The following TTC23L variants were observed in gnomAD, a reference collection of about 807,000 sequenced individuals.
TTC23L encodes the protein tetratricopeptide repeat domain 23 like, also known as tetratricopeptide repeat protein 23-like.
A neutral mutation model predicts 48.1 loss-of-function variants in TTC23L; 42 were observed. The ratio of observed to expected loss-of-function variants is 0.87; its 90% confidence interval spans 0.68 to 1.13. TTC23L has a LOEUF of 1.13. Ranked by LOEUF, TTC23L falls within the 50% of genes most tolerant of loss-of-function variation. The pLI is 0.00. For missense variants in TTC23L, 391 were observed against 421.0 expected (o/e 0.93, Z 0.62); for synonymous variants, 159 against 157.2 (o/e 1.01, Z -0.09).
intron 4 of TTC23L, among the ~76,000 whole-genome samples, chr5:34,853,513 G>C (rs532381428): frequency 3.5e-4 from 54 of 152,260 alleles, no homozygotes; most frequent in African/African-American, 1.2e-3. Flanking sequence ...CTGGGCGACA[G>C]AGCGAGACTC....
the TTC23L span, chr5:34,915,954 T>G: frequency 0.071 from 104,722 of 1,479,610 alleles, 4,213 homozygotes; most frequent in South Asian, 0.12. Context: ...CGCCTTTTCT[T>G]GGGTTACTTA....
At chr5:34,864,482 G>A (rs753419312) in exon 6 of TTC23L, 2 of 1,613,866 alleles carry the variant, frequency 1.2e-6, no homozygotes, top group South Asian at 2.2e-5. Context: ...AGAGAAACAT[G>A]AAGGAGCTGA....
At chr5:34,839,174 T>A (rs1278383620) in exon 1 of TTC23L, 1 of 152,734 alleles carries the variant, frequency 6.5e-6, no homozygotes, top group African/African-American at 2.4e-5. Flanking sequence ...ATTGTCTCCT[T>A]GGCCGGACCT....
chr5:34,881,145 G>T (rs1415158761), intron 9 of TTC23L, among the ~76,000 whole-genome samples: 1 of 152,194 alleles, frequency 6.6e-6, no homozygotes, highest in Admixed American at 6.5e-5. Flanking sequence ...CTTGATACAT[G>T]AGATCCTTCA....
chr5:34,911,854 T>G, the TTC23L span: 57 of 1,586,904 alleles, frequency 3.6e-5, no homozygotes, highest in Non-Finnish European at 1.7e-6. Context: ...GCTTTATAGT[T>G]CTGGGTTCAG....
At chr5:34,878,007 G>T (rs1328581062) in intron 8 of TTC23L, among the ~76,000 whole-genome samples, 2 of 152,122 alleles carry the variant, frequency 1.3e-5, no homozygotes, top group African/African-American at 4.8e-5. Context: ...TTAATATGCA[G>T]AAGTCAATAC....
chr5:34,853,012 A>G (rs1580429977), intron 4 of TTC23L, among the ~76,000 whole-genome samples: 3 of 152,082 alleles, frequency 2.0e-5, no homozygotes, highest in Non-Finnish European at 2.9e-5. Context: ...TGATTGAATT[A>G]CCTCCCACTG....
At chr5:34,915,147 G>C in the TTC23L span, among the ~76,000 whole-genome samples, 1 of 152,168 alleles carries the variant, frequency 6.6e-6, no homozygotes, top group South Asian at 2.1e-4. Flanking sequence ...CCTCGTCTCC[G>C]TAAGAGGACA....
rs35665026 is a variant in TTC23L, at chr5:34,880,205, G to A, written c.974G>A (p.Arg325Lys). The change falls in exon 9 of 11, where the codon AGA becomes AAA. Residue 325 changes from arginine (R) to lysine (K), a missense_variant. Physicochemically the swap from Arg to Lys is conservative, Grantham distance 26 (BLOSUM62 2). Coordinates refer to ENST00000505624, the Ensembl canonical transcript of TTC23L. ...GATGCTGTTGAGATATATTTCATAA[G>A]AAGTATCAATGCATATCGAGCAACA... The A allele has an allele frequency of 2.1e-4, 343 of 1,612,162 alleles. No homozygotes were observed. In the African/African-American group the frequency reaches 4.0e-3, roughly 19 times the overall value.
chr5:34,910,140 G>A, the TTC23L span, among the ~76,000 whole-genome samples: 1 of 151,944 alleles, frequency 6.6e-6, no homozygotes, highest in African/African-American at 2.4e-5. Context: ...CCCTAGTGTC[G>A]CAGGTACTTA....
chr5:34,843,936 CT>C (rs1345964820), intron 2 of TTC23L, among the ~76,000 whole-genome samples: 1 of 152,100 alleles, frequency 6.6e-6, no homozygotes, highest in Non-Finnish European at 1.5e-5. Context: ...GCAAAGAAGA[CT>C]CAGAAACAAA....
the TTC23L span, chr5:34,925,110 C>A: frequency 2.1e-6 from 3 of 1,440,464 alleles, no homozygotes. Context: ...GGAAATTACT[C>A]CCTTTTTTCA....
the TTC23L span, chr5:34,917,934 A>T: frequency 6.5e-6 from 1 of 152,858 alleles, no homozygotes. Context: ...TGGGTGGCAG[A>T]TGTGGTCAGT....
chr5:34,863,105 A>G lies in TTC23L; in HGVS notation c.536+51A>G. 8 of 1,607,014 alleles carry G rather than the reference A, an allele frequency of 5.0e-6. No homozygotes were observed. The highest frequency in any genetic ancestry group is 6.8e-6 in the Non-Finnish European group (8 of 1,175,700). The stretch of plus-strand genomic sequence containing the variant: ...TAGTGTTCGGGGCCACAGGCCACAC[A>G]TGCCAGATGGGTCATCTCATACAGG... On this transcript the variant is annotated intron_variant, in intron 5 of 10. Transcript: ENST00000505624. This position sits in a 1 kb window ranked among gnomAD's most constrained non-coding sequence, Gnocchi z 4.1.
At chr5:34,892,573 TA>T (rs1762938616) in intron 9 of TTC23L, among the ~76,000 whole-genome samples, 1 of 152,190 alleles carries the variant, frequency 6.6e-6, no homozygotes, top group Admixed American at 6.5e-5. Flanking sequence ...AGTTAGTCTG[TA>T]GTAAGTCTTT....
intron 9 of TTC23L, among the ~76,000 whole-genome samples, chr5:34,895,862 T>A (rs1763190682): frequency 6.6e-6 from 1 of 152,240 alleles, no homozygotes; most frequent in African/African-American, 2.4e-5. Flanking sequence ...GTATGTTCCA[T>A]AAGCTGGGTT....
chr5:34,839,486 T>TTCG (rs1758411845), intron 1 of TTC23L: 1 of 263,682 alleles, frequency 3.8e-6, no homozygotes, highest in Non-Finnish European at 5.9e-6. Flanking sequence ...AGAGGAGCGA[T>TTCG]TCGTCCTTGA....
intron 9 of TTC23L, chr5:34,888,450 C>G (rs921490694): frequency 1.0e-6 from 1 of 984,556 alleles, no homozygotes; most frequent in South Asian, 4.7e-5. Flanking sequence ...TCTCACCTCA[C>G]CTAGTGTCTG....
chr5:34,925,396 A>G, the TTC23L span: 3 of 1,613,918 alleles, frequency 1.9e-6, no homozygotes, highest in Non-Finnish European at 2.5e-6. Flanking sequence ...TACAGTGGGT[A>G]AAACCAGAGC....
Sources: allele counts gnomAD v4.1 joint callset (sites outside exome capture counted in the v4.1 genomes callset), GRCh38; gene constraint gnomAD v4.1.1; non-coding constraint Gnocchi (gnomAD v3.1); transcripts MANE v1.5; gene names NCBI Gene and HGNC (gene_info 2026-07-23, HGNC 2026-07-21).